Variants in MAML1 observed in about 807,000 individuals in gnomAD.
MAML1 encodes mastermind like transcriptional coactivator 1, also known as mastermind-like protein 1.
MAML1 carries 14 observed loss-of-function variants against 77.1 expected under a neutral mutation model. The observed-to-expected ratio is 0.18, with a 90% CI of 0.12 to 0.28. MAML1 has a LOEUF of 0.28. Among genes scored for constraint, MAML1 ranks in the 10% least tolerant of loss-of-function variants. The pLI, the probability that MAML1 is intolerant of heterozygous loss-of-function variation, is 1.00. For missense variants in MAML1, 1,217 were observed against 1,327.8 expected (o/e 0.92, Z 1.30); for synonymous variants, 516 against 551.9 (o/e 0.93, Z 0.91).
intron 1 of MAML1, among the ~76,000 whole-genome samples, chr5:179,737,860 G>A (rs1316914051): frequency 6.6e-6 from 1 of 152,070 alleles, no homozygotes; most frequent in Non-Finnish European, 1.5e-5. Flanking sequence ...CCAGTGGCGC[G>A]ATCGTGGGGC....
At position 179,771,168 on chromosome 5, in the gene MAML1, C is replaced by T. The variant is rs1055025712; in HGVS notation, c.1993C>T (p.His665Tyr). ...AEQEKQQFQR[H>Y]LTRPPPQYQD... The stretch of plus-strand genomic sequence containing the variant: ...CTAGGAGAAGCAACAGTTTCAGCGC[C>T]ATCTGACCCGCCCACCACCCCAGTA... Residue 665 changes from histidine to tyrosine, a missense_variant, in exon 4 of 5, where the codon CAT (histidine) becomes TAT (tyrosine). By Grantham distance (83) the His-to-Tyr change is moderately conservative. This residue lies in a region of MAML1 where 884 missense variants were observed against 949.3 expected (regional missense o/e 0.93). Coordinates refer to ENST00000292599, the MANE Select transcript of MAML1 (RefSeq NM_014757.5). This position sits in a 1 kb window ranked among gnomAD's most constrained non-coding sequence, Gnocchi z 4.7. 6 of 1,614,146 alleles carry T rather than the reference C, an allele frequency of 3.7e-6. No individual in the cohort carries two copies. The highest frequency in any genetic ancestry group is 1.7e-5 in the Admixed American group (1 of 60,020).
chr5:179,750,701 A>T (rs7444006), intron 1 of MAML1, among the ~76,000 whole-genome samples: 35,017 of 152,126 alleles, frequency 0.23, 4,603 homozygotes, highest in Non-Finnish European at 0.3. Flanking sequence ...GTGCAAAGCA[A>T]TCCGCTTGCC....
In MAML1 at chr5:179,774,569, C is replaced by G. The variant is rs756159752; in HGVS notation, c.2743C>G (p.Pro915Ala). 2 of 1,612,668 alleles carry G rather than the reference C, an allele frequency of 1.2e-6. No homozygotes were observed. Among genetic ancestry groups the G allele is most frequent in the Non-Finnish European group, 1.7e-6 (2 of 1,179,846 alleles). ...PVSAQQRTSA[P>A]APAPPPTAPQ... is the part of the protein sequence containing the mutation. ...GAGTGCACAGCAGAGGACCAGCGCC[C>G]CTGCCCCAGCACCACCCCCAACAGC... The change falls in exon 5 of 5, where the codon CCT becomes GCT. Residue 915 changes from proline (P) to alanine (A), a missense_variant. Coordinates refer to ENST00000292599, the MANE Select transcript of MAML1 (RefSeq NM_014757.5).
chr5:179,754,112 C>T lies in MAML1; in HGVS notation c.316-11214C>T, dbSNP rs187177721. Among the ~76,000 whole-genome samples, 375 of 152,016 alleles carry T rather than the reference C, an allele frequency of 2.5e-3. 1 individual carries two copies. Among genetic ancestry groups the T allele is most frequent in the Non-Finnish European group, 2.1e-3 (142 of 67,946 alleles). Reference sequence around the variant, plus strand: ...CAGTCTGGGTAATATGGTGAAACCCCATCTCTAAAAAAATGCAAAAATTAG... The same window carrying T: ...CAGTCTGGGTAATATGGTGAAACCCTATCTCTAAAAAAATGCAAAAATTAG... On this transcript the variant is annotated intron_variant, in intron 1 of 4. Coordinates refer to ENST00000292599, the MANE Select transcript of MAML1 (RefSeq NM_014757.5).
chr5:179,753,743 A>G (rs1393454608), intron 1 of MAML1, among the ~76,000 whole-genome samples: 1 of 141,354 alleles, frequency 7.1e-6, no homozygotes, highest in African/African-American at 2.6e-5. Flanking sequence ...GCTCACTGCA[A>G]CCTCCGCCTC....
Position 179,733,418 on chromosome 5 carries a change from C to G in MAML1, c.306C>G (p.Arg102=), listed in dbSNP as rs1393537942. The change falls in exon 1 of 5, where the codon CGC becomes CGG. Residue 102 remains arginine, a synonymous_variant. Transcript: ENST00000292599. ...LDAADGPEHG[R]PATHLHDTVK... ...CCGCTGACGGCCCCGAGCACGGCCG[C>G]CCGGCCACGGTGAGTAGGGCGCGGG... 9.0e-7 allele frequency: 1 copy of G among 1,105,294 alleles called. No homozygotes were observed. The highest frequency in any genetic ancestry group is 1.1e-6 in the Non-Finnish European group (1 of 910,602). 68.5% of individuals were successfully genotyped at this position (1,105,294 alleles called of 1,614,324 possible).
chr5:179,738,535 A>G (rs1779218098), intron 1 of MAML1, among the ~76,000 whole-genome samples: 2 of 152,062 alleles, frequency 1.3e-5, no homozygotes, highest in Admixed American at 6.6e-5. Flanking sequence ...TTTTGTCTTC[A>G]GTATCTCCCT....
At position 179,775,153 on chromosome 5, in the gene MAML1, A is replaced by G. The variant is rs1756107268; in HGVS notation, c.*276A>G. 2.6e-6 allele frequency: 3 copies of G among 1,152,706 alleles called. No homozygotes were observed. The highest frequency in any genetic ancestry group is 4.4e-5 in the East Asian group (1 of 22,724). 71.4% of individuals were successfully genotyped at this position (1,152,706 alleles called of 1,614,324 possible). A position where few individuals can be genotyped will look rare whatever the true frequency, so the allele number is the denominator to read the frequency against. The stretch of plus-strand genomic sequence containing the variant: ...GGTTCTAAAGGTGGTTTTCTATCCA[A>G]ACGACCAAAAAACCAACAGTAACAC... On this transcript the variant is annotated 3_prime_UTR_variant, in exon 5 of 5. Coordinates refer to ENST00000292599, the MANE Select transcript of MAML1 (RefSeq NM_014757.5).
rs1159380865 is a variant in MAML1 at position 179,765,519 on chromosome 5, C to A, written c.509C>A (p.Ala170Asp). ...GGTCAGTCTGACAAGCCTTCTGGAGCCGACGCCCTGCAGTCCAGTGGGAAG... is the reference window on the plus strand; with the variant it reads ...GGTCAGTCTGACAAGCCTTCTGGAGACGACGCCCTGCAGTCCAGTGGGAAG... The part of the protein sequence containing the change: ...PLGQSDKPSG[A>D]DALQSSGKHS... Residue 170 changes from alanine (A) to aspartate (D), a missense_variant, in exon 2 of 5, where the codon GCC becomes GAC. Coordinates refer to ENST00000292599, the MANE Select transcript of MAML1 (RefSeq NM_014757.5). 2.5e-6 allele frequency: 4 copies of A among 1,613,878 alleles called. No homozygotes were observed. The highest frequency in any genetic ancestry group is 1.7e-6 in the Non-Finnish European group (2 of 1,179,926).
intron 1 of MAML1, among the ~76,000 whole-genome samples, chr5:179,735,385 TTTTA>T (rs994023102): frequency 6.6e-5 from 10 of 152,184 alleles, no homozygotes; most frequent in Non-Finnish European, 1.3e-4. Context: ...ATGCTATTTG[TTTTA>T]TTTATTTATT....
At chr5:179,739,557 A>C (rs1457768923) in intron 1 of MAML1, among the ~76,000 whole-genome samples, 2 of 152,180 alleles carry the variant, frequency 1.3e-5, no homozygotes, top group Non-Finnish European at 1.5e-5. Context: ...GGTGGCATGC[A>C]TCTGTATTCT....
chr5:179,752,340 A>ATATATATAT lies in MAML1; in HGVS notation c.316-12986_316-12985insTATATATAT, dbSNP rs1413175645. Among the ~76,000 whole-genome samples, 232 of 53,412 alleles carry ATATATATAT rather than the reference A, an allele frequency of 4.3e-3. 6 individuals carry two copies. The highest frequency in any genetic ancestry group is 7.2e-3 in the Non-Finnish European group (167 of 23,302). 35.0% of individuals were successfully genotyped at this position (53,412 alleles called of 152,430 possible). ...ACTCTGTCTCCAAAAAAAAAAAAAA[A>ATATATATAT]AAAAAAAAAAATATATATATATATA... On this transcript the variant is annotated intron_variant, in intron 1 of 4. Transcript: ENST00000292599.
intron 1 of MAML1, among the ~76,000 whole-genome samples, chr5:179,738,724 T>A (rs759677419): frequency 1.3e-4 from 20 of 152,212 alleles, no homozygotes; most frequent in Non-Finnish European, 2.6e-4. Flanking sequence ...CCTCTTCTAT[T>A]ACTCTGAAGT....
At position 179,771,370 on chromosome 5, in the gene MAML1, C is replaced by T. The variant is rs913395065; in HGVS notation, c.2068+127C>T. 14 of 755,488 alleles carry T rather than the reference C, an allele frequency of 1.9e-5. No homozygotes were observed. The highest frequency in any genetic ancestry group is 2.8e-5 in the Non-Finnish European group (13 of 458,022). The allele number at this position is 755,488 out of a possible 1,614,324, so 46.8% of individuals were successfully genotyped here. A position where few individuals can be genotyped will look rare whatever the true frequency, so the allele number is the denominator to read the frequency against. ...CTGCATGCATTGTCATCATATACAC[C>T]TCAGTTTGCCTAAGGGGCCTGGTTT... On this transcript the variant is annotated intron_variant, in intron 4 of 4. Coordinates refer to ENST00000292599, the MANE Select transcript of MAML1 (RefSeq NM_014757.5). The surrounding 1 kb of genome is among the most constrained non-coding windows in gnomAD (Gnocchi z 4.7).
At chr5:179,760,598 T>G (rs540384344) in intron 1 of MAML1, among the ~76,000 whole-genome samples, 9 of 152,030 alleles carry the variant, frequency 5.9e-5, no homozygotes, top group Non-Finnish European at 1.3e-4. Flanking sequence ...TATTTGAGTG[T>G]GATGTTCAGT....
At chr5:179,746,540 AT>A (rs1779387944) in intron 1 of MAML1, among the ~76,000 whole-genome samples, 1 of 151,294 alleles carries the variant, frequency 6.6e-6, no homozygotes, top group South Asian at 2.1e-4. Context: ...CACCCGGCTA[AT>A]TTTGTATTTT....
intron 1 of MAML1, among the ~76,000 whole-genome samples, chr5:179,756,771 T>C (rs1239243812): frequency 6.6e-6 from 1 of 152,110 alleles, no homozygotes; most frequent in African/African-American, 2.4e-5. Context: ...TGACTTGAAC[T>C]AACATGGGCG....
intron 1 of MAML1, among the ~76,000 whole-genome samples, chr5:179,753,186 TG>T (rs1310282224): frequency 3.7e-5 from 1 of 27,162 alleles, no homozygotes; most frequent in Non-Finnish European, 9.4e-5. Context: ...TATTTTTTAG[TG>T]TGTGTGTGTG....
chr5:179,742,729 A>G (rs1167181058), intron 1 of MAML1, among the ~76,000 whole-genome samples: 2 of 151,018 alleles, frequency 1.3e-5, no homozygotes, highest in Admixed American at 1.3e-4. Context: ...CAGGAGAATC[A>G]CTTGAACCCA....
Sources: allele counts gnomAD v4.1 joint callset (sites outside exome capture counted in the v4.1 genomes callset), GRCh38; gene constraint gnomAD v4.1.1; regional missense constraint gnomAD v4.1.1; non-coding constraint Gnocchi (gnomAD v3.1); transcripts MANE v1.5; gene names NCBI Gene and HGNC (gene_info 2026-07-23, HGNC 2026-07-21).